Variants in SPATA13 observed in about 807,000 individuals in gnomAD.
SPATA13 encodes spermatogenesis associated 13.
In SPATA13, 50 loss-of-function variants were observed where a neutral mutation model predicts 104.0. The observed-to-expected ratio is 0.48, with a 90% CI of 0.38 to 0.61. The LOEUF (loss-of-function observed/expected upper bound fraction) is 0.61. SPATA13 is among the 20% of genes least tolerant of loss of function. The pLI is 0.00. For missense variants in SPATA13, 1,524 were observed against 1,690.6 expected (o/e 0.90, Z 1.73); for synonymous variants, 606 against 667.5 (o/e 0.91, Z 1.42).
chr13:24,047,628 G>A (rs1361838251), intron 3 of SPATA13, among the ~76,000 whole-genome samples: 4 of 152,228 alleles, frequency 2.6e-5, no homozygotes, highest in African/African-American at 9.6e-5. Context: ...CAAAGTGGCT[G>A]TGCCAATTTA....
chr13:24,295,119 C>A (rs1876674320), intron 10 of SPATA13, among the ~76,000 whole-genome samples: 1 of 152,220 alleles, frequency 6.6e-6, no homozygotes. Flanking sequence ...GCCTCTCTCT[C>A]TCCTCGTAGA....
chr13:24,141,606 A>T (rs1369516587), intron 3 of SPATA13, among the ~76,000 whole-genome samples: 1 of 152,174 alleles, frequency 6.6e-6, no homozygotes, highest in Admixed American at 6.5e-5. Context: ...AGTCCCTGTG[A>T]TAACATGAGT....
chr13:24,100,625 G>A (rs1438607915), intron 3 of SPATA13, among the ~76,000 whole-genome samples: 2 of 152,182 alleles, frequency 1.3e-5, no homozygotes, highest in African/African-American at 4.8e-5. Context: ...GCCCATAGAA[G>A]GAGGAAGCTA....
chr13:24,284,115 C>T lies in SPATA13; in HGVS notation c.2165-20C>T. ...GTTAGCTGTGTCTTTTAAATCATGC[C>T]TTTGTTTTGTATGTTTTAGTTTCTT... On this transcript the variant is annotated intron_variant, in intron 4 of 12. Coordinates refer to ENST00000382108, the MANE Select transcript of SPATA13 (RefSeq NM_001166271.3). 2 of 1,588,596 alleles carry T rather than the reference C, an allele frequency of 1.3e-6. No individual in the cohort carries two copies. The highest frequency in any genetic ancestry group is 1.7e-6 in the Non-Finnish European group (2 of 1,162,260).
chr13:23,995,857 A>T (rs1442098573), intron 2 of SPATA13, among the ~76,000 whole-genome samples: 1 of 151,954 alleles, frequency 6.6e-6, no homozygotes, highest in Non-Finnish European at 1.5e-5. Flanking sequence ...GGCTGCCTTG[A>T]ACTGCGTGGA....
intron 3 of SPATA13, among the ~76,000 whole-genome samples, chr13:24,048,197 T>A (rs1309968260): frequency 6.6e-6 from 1 of 152,218 alleles, no homozygotes; most frequent in Non-Finnish European, 1.5e-5. Context: ...CTCAGCCCAG[T>A]CAAGTGGACA....
At chr13:24,276,440 GTATC>G (rs1178751668) in intron 4 of SPATA13, among the ~76,000 whole-genome samples, 1 of 152,218 alleles carries the variant, frequency 6.6e-6, no homozygotes, top group Non-Finnish European at 1.5e-5. Context: ...TTCATATGAA[GTATC>G]TAAAGTAGTC....
chr13:24,093,213 G>T (rs1190947612), intron 3 of SPATA13, among the ~76,000 whole-genome samples: 1 of 152,160 alleles, frequency 6.6e-6, no homozygotes, highest in Admixed American at 6.5e-5. Flanking sequence ...GTCTCTTTGT[G>T]CCTGGTTTCA....
chr13:24,100,926 T>C (rs1258870532), intron 3 of SPATA13, among the ~76,000 whole-genome samples: 1 of 152,234 alleles, frequency 6.6e-6, no homozygotes, highest in African/African-American at 2.4e-5. Flanking sequence ...GATATAAATC[T>C]TCACTGGGTT....
intron 2 of SPATA13, among the ~76,000 whole-genome samples, chr13:24,001,198 A>G (rs1272129023): frequency 2.0e-5 from 3 of 152,164 alleles, no homozygotes; most frequent in African/African-American, 7.2e-5. Context: ...GTTACAGTAG[A>G]GCAGAAGTAG....
At chr13:24,151,863 A>T (rs1360762916) in intron 3 of SPATA13, among the ~76,000 whole-genome samples, 2 of 152,248 alleles carry the variant, frequency 1.3e-5, no homozygotes, top group Non-Finnish European at 2.9e-5. Context: ...AGTCTTTAAC[A>T]GTACTAAGCA....
intron 3 of SPATA13, among the ~76,000 whole-genome samples, chr13:24,126,026 G>A (rs1033214754): frequency 6.6e-6 from 1 of 152,174 alleles, no homozygotes; most frequent in African/African-American, 2.4e-5. Flanking sequence ...ATAGAGCAGG[G>A]GAGCCAGGAG....
chr13:24,183,663 G>A (rs935958322), intron 1 of SPATA13, among the ~76,000 whole-genome samples: 6 of 150,862 alleles, frequency 4.0e-5, no homozygotes, highest in Non-Finnish European at 7.4e-5. Flanking sequence ...TTTATGCGTG[G>A]CCCAAGACAA....
intron 1 of SPATA13, 76 bp from the exon 2 acceptor site, chr13:24,222,743 C>T (rs898605750): frequency 1.2e-5 from 15 of 1,266,252 alleles, no homozygotes; most frequent in South Asian, 1.5e-5. Flanking sequence ...TGTGCTGGAG[C>T]GTGCCTCTTC....
chr13:24,004,533 G>A (rs531514153), intron 2 of SPATA13, among the ~76,000 whole-genome samples: 1 of 152,286 alleles, frequency 6.6e-6, no homozygotes, highest in Admixed American at 6.5e-5. Flanking sequence ...CGGGACTCAG[G>A]GAGGGTAGGG....
chr13:24,123,452 A>G, intron 3 of SPATA13: 1 of 1,498,724 alleles, frequency 6.7e-7, no homozygotes, highest in South Asian at 1.1e-5. Context: ...TCTGATCGTT[A>G]TAGATCTTTT....
chr13:24,202,431 C>T (rs562749958), intron 1 of SPATA13, among the ~76,000 whole-genome samples: 2 of 151,956 alleles, frequency 1.3e-5, no homozygotes, highest in East Asian at 1.9e-4. Flanking sequence ...CGTTCCTGAG[C>T]CTCTCCTGGA....
chr13:24,080,578 T>C (rs1403101073), intron 3 of SPATA13, among the ~76,000 whole-genome samples: 3 of 152,180 alleles, frequency 2.0e-5, no homozygotes, highest in Non-Finnish European at 4.4e-5. Context: ...CTGGGACCCA[T>C]TAGTGTGGAC....
chr13:24,072,825 CTTTT>C (rs11353469), intron 3 of SPATA13, among the ~76,000 whole-genome samples: 6 of 120,630 alleles, frequency 5.0e-5, no homozygotes, highest in Non-Finnish European at 5.1e-5. Flanking sequence ...CTGTTGGCTC[CTTTT>C]TTTTTTTTTT....
Sources: allele counts gnomAD v4.1 joint callset (sites outside exome capture counted in the v4.1 genomes callset), GRCh38; gene constraint gnomAD v4.1.1; transcripts MANE v1.5; gene names NCBI Gene and HGNC (gene_info 2026-07-23, HGNC 2026-07-21).